The following ATAD3C variants were observed in gnomAD, a reference collection of about 807,000 sequenced individuals.
The protein encoded by ATAD3C is ATPase family AAA domain-containing protein 3C.
ATAD3C carries 38 observed loss-of-function variants against 46.3 expected under a neutral mutation model. The ratio of observed to expected loss-of-function variants is 0.82; its 90% confidence interval spans 0.63 to 1.08. The LOEUF is 1.08. ATAD3C is among the 50% of genes least tolerant of loss of function. The probability of loss-of-function intolerance (pLI) is 0.00; values close to 1 mark genes in which losing one functional copy is unlikely to be tolerated. For synonymous variants in ATAD3C, 220 were observed against 236.4 expected (o/e 0.93, Z 0.63); for missense variants, 563 against 572.7 (o/e 0.98, Z 0.17).
In ATAD3C at chr1:1,455,442, C is replaced by G. The variant is rs1403267964; in HGVS notation, c.379-18C>G. On this transcript the variant is annotated intron_variant, in intron 4 of 11. Coordinates refer to ENST00000378785, the MANE Select transcript of ATAD3C (RefSeq NM_001039211.3). ...GGCTGTGGCAGGTGACCCAATGGTG[C>G]TTCCCCTTCCCCTCCAGCAGGTCAG... 8 of 1,610,472 alleles carry G rather than the reference C, an allele frequency of 5.0e-6. No individual in the cohort carries two copies. The highest frequency in any genetic ancestry group is 6.8e-6 in the Non-Finnish European group (8 of 1,178,790).
intron 10 of ATAD3C, among the ~76,000 whole-genome samples, chr1:1,461,902 G>A (rs1340656101): frequency 6.6e-6 from 1 of 152,116 alleles, no homozygotes; most frequent in Non-Finnish European, 1.5e-5. Flanking sequence ...AGGCTGTCAG[G>A]CTCCCTGTTG....
At chr1:1,455,634 T>G in intron 5 of ATAD3C, 115 bp downstream of exon 5, 2 of 1,572,450 alleles carry the variant, frequency 1.3e-6, no homozygotes, top group Non-Finnish European at 1.7e-6. Flanking sequence ...GGTCCTGAGA[T>G]GCGACTGCTT....
intron 11 of ATAD3C, among the ~76,000 whole-genome samples, chr1:1,467,044 A>G (rs1274246945): frequency 6.6e-6 from 1 of 152,024 alleles, no homozygotes; most frequent in African/African-American, 2.4e-5. Context: ...CAAGAGTAGC[A>G]CAGAGACTTC....
At chr1:1,468,052 C>T (rs181754583) in intron 11 of ATAD3C, among the ~76,000 whole-genome samples, 12 of 151,906 alleles carry the variant, frequency 7.9e-5, no homozygotes, top group African/African-American at 1.5e-4. Flanking sequence ...TGCCTGACCA[C>T]GGCTGAGACA....
At chr1:1,452,751 A>G (rs1316142989) in intron 3 of ATAD3C, among the ~76,000 whole-genome samples, 1 of 150,350 alleles carries the variant, frequency 6.7e-6, no homozygotes, top group Non-Finnish European at 1.5e-5. Flanking sequence ...GTGAGCCAAG[A>G]TCCTGCCATT....
chr1:1,451,946 T>C (rs1170914240), intron 1 of ATAD3C, 100 bp from the exon 2 acceptor site: 15 of 1,526,026 alleles, frequency 9.8e-6, no homozygotes, highest in Non-Finnish European at 7.1e-6. Context: ...CCCGGGACGC[T>C]TGGAGCCCTG....
At chr1:1,458,155 ATTT>A (rs1371646256) in intron 8 of ATAD3C, among the ~76,000 whole-genome samples, 2 of 146,702 alleles carry the variant, frequency 1.4e-5, no homozygotes, top group Non-Finnish European at 3.0e-5. Context: ...AGTTTTTTGT[ATTT>A]TTAGTAGAGA....
chr1:1,452,528 A>G, intron 3 of ATAD3C, 94 bp downstream of exon 3: 1 of 1,593,426 alleles, frequency 6.3e-7, no homozygotes, highest in Non-Finnish European at 8.6e-7. Context: ...CTGGCTCTGC[A>G]CAGGTCCTGG....
chr1:1,458,232 C>G (rs911599091), intron 8 of ATAD3C, among the ~76,000 whole-genome samples: 6 of 151,872 alleles, frequency 4.0e-5, no homozygotes, highest in African/African-American at 1.5e-4. Flanking sequence ...CTGCCCGCTG[C>G]TGCCTCCCAA....
At chr1:1,460,515 A>G (rs1639037883) in intron 9 of ATAD3C, among the ~76,000 whole-genome samples, 1 of 152,028 alleles carries the variant, frequency 6.6e-6, no homozygotes, top group Non-Finnish European at 1.5e-5. Context: ...GGGAAGTACC[A>G]CACGGGGCAA....
At chr1:1,452,322 G>A (rs1312326000) in intron 2 of ATAD3C, 43 bp from the exon 3 acceptor site, 1 of 1,613,230 alleles carries the variant, frequency 6.2e-7, no homozygotes. Flanking sequence ...ACGTGGCGTG[G>A]GTCTTTGTTT....
At chr1:1,454,067 G>C (rs1557776737) in intron 3 of ATAD3C, among the ~76,000 whole-genome samples, 1 of 152,196 alleles carries the variant, frequency 6.6e-6, no homozygotes, top group East Asian at 1.9e-4. Flanking sequence ...AGCTGGGTCT[G>C]CCCAGGGCCC....
rs2489823 is a variant in ATAD3C at position 1,459,799 on chromosome 1, T to G, written c.812+568T>G. Among the ~76,000 whole-genome samples, 18,964 of 151,850 alleles carry G rather than the reference T, an allele frequency of 0.12. 2,870 individuals are homozygous for G. The highest frequency in any genetic ancestry group is 0.46 in the East Asian group (2,384 of 5,134). ...CATAGGGTGACCGCCCCATGGCCAG[T>G]CTCCCTAGTCCCTCCCAAGTCCCCT... On this transcript the variant is annotated intron_variant, in intron 9 of 11. Coordinates refer to ENST00000378785, the MANE Select transcript of ATAD3C (RefSeq NM_001039211.3). This position sits in a 1 kb window ranked among gnomAD's most constrained non-coding sequence, Gnocchi z 4.9.
intron 11 of ATAD3C, among the ~76,000 whole-genome samples, chr1:1,464,266 G>T (rs968692660): frequency 6.6e-6 from 1 of 151,696 alleles, no homozygotes; most frequent in African/African-American, 2.4e-5. Context: ...AACCACTGGG[G>T]CGTGTGTGCC....
At position 1,454,509 on chromosome 1, in the gene ATAD3C, G is replaced by A. The variant is rs775169751; in HGVS notation, c.378+9G>A. On this transcript the variant is annotated intron_variant, in intron 4 of 11. Transcript: ENST00000378785. ...TGCGGCACCCCATCCAGGTAGCGGCGCAGGCCTGGCCCTCCCTGAGTGCAA... is the reference window on the plus strand; with the variant it reads ...TGCGGCACCCCATCCAGGTAGCGGCACAGGCCTGGCCCTCCCTGAGTGCAA... The A allele has an allele frequency of 1.7e-5, 27 of 1,604,354 alleles. No homozygotes were observed. Among genetic ancestry groups the A allele is most frequent in the East Asian group, 2.2e-5 (1 of 44,520 alleles).
At chr1:1,454,890 T>G (rs1024429102) in intron 4 of ATAD3C, among the ~76,000 whole-genome samples, 4 of 151,914 alleles carry the variant, frequency 2.6e-5, no homozygotes, top group East Asian at 3.9e-4. Flanking sequence ...GGGGTGGCAG[T>G]GTCTCCACAG....
chr1:1,460,713 C>A, intron 9 of ATAD3C, 37 bp from the exon 10 acceptor site: 1 of 1,561,300 alleles, frequency 6.4e-7, no homozygotes, highest in Non-Finnish European at 8.7e-7. Flanking sequence ...GCTCGGCCGG[C>A]AGCCCCAGCG....
At chr1:1,456,900 T>C (rs1045785985) in intron 7 of ATAD3C, among the ~76,000 whole-genome samples, 18 of 151,924 alleles carry the variant, frequency 1.2e-4, no homozygotes, top group African/African-American at 4.1e-4. Context: ...GTGTGGACTC[T>C]AAGCGGCCAC....
intron 9 of ATAD3C, among the ~76,000 whole-genome samples, chr1:1,460,221 C>A (rs186546941): frequency 6.6e-6 from 1 of 151,844 alleles, no homozygotes; most frequent in South Asian, 2.1e-4. Context: ...GACAGGCGTG[C>A]GCCACCACAC....
Sources: allele counts gnomAD v4.1 joint callset (sites outside exome capture counted in the v4.1 genomes callset), GRCh38; gene constraint gnomAD v4.1.1; non-coding constraint Gnocchi (gnomAD v3.1); transcripts MANE v1.5; gene names NCBI Gene and HGNC (gene_info 2026-07-23, HGNC 2026-07-21).